Variants in GPC5 observed in about 807,000 individuals in gnomAD.
GPC5 encodes glypican-5.
A neutral mutation model predicts 53.9 loss-of-function variants in GPC5; 47 were observed. The ratio of observed to expected loss-of-function variants is 0.87; its 90% CI spans 0.69 to 1.11. GPC5 has a LOEUF of 1.11. Ranked by LOEUF, GPC5 falls within the 50% of genes most tolerant of loss-of-function variation. GPC5 has a pLI of 0.00. For missense variants in GPC5, 748 were observed against 713.1 expected (o/e 1.05, Z -0.56); for synonymous variants, 286 against 263.3 (o/e 1.09, Z -0.84).
intron 7 of GPC5, among the ~76,000 whole-genome samples, chr13:92,166,506 C>A (rs2042028599): frequency 6.6e-6 from 1 of 151,760 alleles, no homozygotes; most frequent in African/African-American, 2.4e-5. Context: ...AGTACATAAA[C>A]CCATCAGATA....
intron 7 of GPC5, among the ~76,000 whole-genome samples, chr13:92,632,463 C>CATATATATATATATATATATATAT (rs34336057): frequency 2.5e-5 from 3 of 120,106 alleles, no homozygotes; most frequent in South Asian, 2.9e-4. Flanking sequence ...AAATATTCCA[C>CATATATATATATATATATATATAT]ATATATATAT....
At chr13:91,420,806 G>T (rs1878567732) in intron 1 of GPC5, among the ~76,000 whole-genome samples, 1 of 152,178 alleles carries the variant, frequency 6.6e-6, no homozygotes, top group African/African-American at 2.4e-5. Flanking sequence ...CTCTCTGGTT[G>T]CCTTGTGTAT....
chr13:91,455,191 G>A (rs1278852051), intron 2 of GPC5, among the ~76,000 whole-genome samples: 1 of 151,658 alleles, frequency 6.6e-6, no homozygotes, highest in Non-Finnish European at 1.5e-5. Flanking sequence ...ATATCTCCGT[G>A]AGTGCTTGTT....
At chr13:92,550,767 A>G (rs950845922) in intron 7 of GPC5, among the ~76,000 whole-genome samples, 1 of 151,936 alleles carries the variant, frequency 6.6e-6, no homozygotes, top group Admixed American at 6.6e-5. Flanking sequence ...GTATGTGTAT[A>G]CATCATTATC....
At chr13:91,988,856 A>C (rs1023595805) in intron 6 of GPC5, among the ~76,000 whole-genome samples, 9 of 150,042 alleles carry the variant, frequency 6.0e-5, no homozygotes, top group Admixed American at 5.9e-4. Flanking sequence ...TCAAAACCTC[A>C]ATTCTGGAGT....
chr13:92,044,549 A>C (rs2040966595), intron 6 of GPC5, among the ~76,000 whole-genome samples: 1 of 152,198 alleles, frequency 6.6e-6, no homozygotes, highest in Admixed American at 6.5e-5. Context: ...CTTGGTTCTG[A>C]ATAGGGATCT....
At chr13:92,507,729 G>T (rs1032730546) in intron 7 of GPC5, among the ~76,000 whole-genome samples, 3 of 152,036 alleles carry the variant, frequency 2.0e-5, no homozygotes, top group Non-Finnish European at 4.4e-5. Context: ...ATGTCAAGGT[G>T]CCTTTATTTA....
At chr13:92,102,654 G>A (rs1282773976) in intron 6 of GPC5, among the ~76,000 whole-genome samples, 1 of 152,176 alleles carries the variant, frequency 6.6e-6, no homozygotes, top group African/African-American at 2.4e-5. Context: ...GGCTTTCATA[G>A]CACAGTGGGA....
intron 2 of GPC5, among the ~76,000 whole-genome samples, chr13:91,623,604 A>G (rs978872850): frequency 1.3e-5 from 2 of 152,140 alleles, no homozygotes; most frequent in Non-Finnish European, 2.9e-5. Context: ...GTTGTGCATA[A>G]CAGGCAGTCT....
Position 92,610,014 on chromosome 13 carries a change from G to A in GPC5, c.1562-256268G>A, listed in dbSNP as rs183486363. On this transcript the variant is annotated intron_variant, in intron 7 of 7. Coordinates refer to ENST00000377067, the MANE Select transcript of GPC5 (RefSeq NM_004466.6). ...CCACTGCACTCCAGTCTGAGCAACA[G>A]AGCGAGACTCCATCTCAAAAAAAAA... 3.4e-5 allele frequency among the ~76,000 whole-genome samples: 4 copies of A among 117,434 alleles called. No individual in the cohort carries two copies. In the East Asian group the frequency reaches 7.6e-4, roughly 22 times the overall value. 77.0% of individuals were successfully genotyped at this position (117,434 alleles called of 152,430 possible). A position where few individuals can be genotyped will look rare whatever the true frequency, so the allele number is the denominator to read the frequency against.
intron 7 of GPC5, among the ~76,000 whole-genome samples, chr13:92,440,329 C>G (rs116259509): frequency 0.011 from 1,735 of 152,218 alleles, 36 homozygotes; most frequent in African/African-American, 0.039. Context: ...GTTTAGCTCC[C>G]ACTTATAAGT....
intron 7 of GPC5, among the ~76,000 whole-genome samples, chr13:92,426,784 A>C (rs566806333): frequency 6.6e-6 from 1 of 152,196 alleles, no homozygotes; most frequent in South Asian, 2.1e-4. Flanking sequence ...AGAGGGCAAA[A>C]AGTGGTAAAA....
Position 91,498,570 on chromosome 13 carries a change from G to A in GPC5, c.325+49648G>A, listed in dbSNP as rs559850030. 1.3e-4 allele frequency among the ~76,000 whole-genome samples: 20 copies of A among 152,258 alleles called. 1 individual carries two copies. The South Asian group carries it at 3.3e-3, about 25-fold the overall frequency. On this transcript the variant is annotated intron_variant, in intron 2 of 7. Transcript: ENST00000377067. The stretch of plus-strand genomic sequence containing the variant: ...AGATGAAAGGTCAGAAATGTAGTAG[G>A]TTGGGGAATCTGGGAGATCATCGTG...
intron 6 of GPC5, among the ~76,000 whole-genome samples, chr13:91,915,365 C>T (rs1035308090): frequency 5.9e-5 from 9 of 151,936 alleles, no homozygotes; most frequent in African/African-American, 1.2e-4. Context: ...ATCAATTGTC[C>T]GCATAAAACA....
At chr13:92,475,646 G>T (rs998497623) in intron 7 of GPC5, among the ~76,000 whole-genome samples, 2 of 152,096 alleles carry the variant, frequency 1.3e-5, no homozygotes, top group Non-Finnish European at 2.9e-5. Context: ...ATACTACAAG[G>T]CTACAGTAAC....
chr13:91,879,552 T>C lies in GPC5; in HGVS notation c.1281-28385T>C, dbSNP rs552636733. Among the ~76,000 whole-genome samples, 4 of 152,268 alleles carry C rather than the reference T, an allele frequency of 2.6e-5. No individual in the cohort carries two copies. The South Asian group carries it at 6.2e-4, about 24-fold the overall frequency. On this transcript the variant is annotated intron_variant, in intron 5 of 7. Transcript: ENST00000377067. ...GGTTCAAAGAAGGCTGCCCTTTCTC[T>C]GTAACCTCAGTTGGGGAAGGAACAA...
At chr13:91,856,565 T>C (rs1262393144) in intron 5 of GPC5, among the ~76,000 whole-genome samples, 1 of 151,478 alleles carries the variant, frequency 6.6e-6, no homozygotes, top group Non-Finnish European at 1.5e-5. Context: ...AGATGTTAGG[T>C]GTAGTTTCAT....
chr13:91,753,359 C>A (rs189329999), intron 4 of GPC5, among the ~76,000 whole-genome samples: 1 of 152,202 alleles, frequency 6.6e-6, no homozygotes, highest in East Asian at 1.9e-4. Flanking sequence ...CATGACCATC[C>A]CCTCACATGA....
chr13:91,884,651 T>C (rs1243298467), intron 5 of GPC5, among the ~76,000 whole-genome samples: 2 of 152,160 alleles, frequency 1.3e-5, no homozygotes, highest in African/African-American at 2.4e-5. Flanking sequence ...GTGTAATAAA[T>C]AGCTGAAAGG....
Sources: gnomAD v4.1 joint callset for allele counts (sites outside exome capture counted in the v4.1 genomes callset) on GRCh38, gnomAD v4.1.1 for gene constraint, MANE v1.5 for transcripts, NCBI Gene and HGNC (gene_info 2026-07-23, HGNC 2026-07-21) for gene names.